SGIP1: variants seen among roughly 807,000 people sequenced by gnomAD.
SGIP1 encodes SH3-containing GRB2-like protein 3-interacting protein 1.
A neutral mutation model predicts 107.5 loss-of-function variants in SGIP1; 38 were observed. That is an observed-to-expected ratio of 0.35 (90% confidence interval 0.27 to 0.46). The LOEUF is 0.46. Among genes scored for constraint, SGIP1 ranks in the 20% least tolerant of loss-of-function variants. SGIP1 has a pLI of 1.00. For synonymous variants in SGIP1, 365 were observed against 366.1 expected, an observed-to-expected ratio of 1.00 and a Z score of 0.03; for missense variants, 929 against 1,019.5, an observed-to-expected ratio of 0.91 and a Z score of 1.21.
intron 15 of SGIP1, among the ~76,000 whole-genome samples, chr1:66,688,347 G>C (rs150368279): frequency 5.3e-5 from 8 of 152,308 alleles, no homozygotes; most frequent in African/African-American, 1.9e-4. Context: ...CCTGAATCCA[G>C]AGACCCCACT....
intron 1 of SGIP1, among the ~76,000 whole-genome samples, chr1:66,568,345 A>G (rs1479355065): frequency 7.9e-6 from 1 of 127,024 alleles, no homozygotes; most frequent in African/African-American, 3.3e-5. Flanking sequence ...ATTTTTGCAC[A>G]TTGATTTTTT....
At chr1:66,570,049 A>G (rs558554094) in intron 1 of SGIP1, among the ~76,000 whole-genome samples, 7 of 151,918 alleles carry the variant, frequency 4.6e-5, no homozygotes, top group Non-Finnish European at 7.4e-5. Flanking sequence ...TTTAATGTCC[A>G]TAGAATCTGT....
chr1:66,686,123 A>T (rs907139258), intron 15 of SGIP1, among the ~76,000 whole-genome samples: 10 of 152,374 alleles, frequency 6.6e-5, no homozygotes, highest in Middle Eastern at 3.4e-3. Flanking sequence ...TAAAAAGGTA[A>T]CTTAGCTGTG....
At chr1:66,675,799 G>A (rs2085183665) in intron 12 of SGIP1, among the ~76,000 whole-genome samples, 1 of 151,956 alleles carries the variant, frequency 6.6e-6, no homozygotes, top group Non-Finnish European at 1.5e-5. Flanking sequence ...CTCCCAAAGT[G>A]CTGGAATTAC....
intron 16 of SGIP1, 121 bp from the exon 17 acceptor site, chr1:66,690,069 G>A: frequency 1.8e-6 from 2 of 1,098,374 alleles, no homozygotes; most frequent in Non-Finnish European, 2.6e-6. Flanking sequence ...TGTAAAAATG[G>A]TGTCATCTAT....
intron 17 of SGIP1, among the ~76,000 whole-genome samples, chr1:66,691,796 A>G (rs2089912753): frequency 6.6e-6 from 1 of 152,190 alleles, no homozygotes; most frequent in Admixed American, 6.5e-5. Flanking sequence ...GCTGACCCCA[A>G]GTGACCTCAG....
upstream of SGIP1, chr1:66,534,131 G>T (rs1176569950): frequency 3.4e-6 from 2 of 596,672 alleles, no homozygotes; most frequent in East Asian, 5.6e-5. Context: ...CCAGCTTGCC[G>T]TTCCTCTCCC....
intron 1 of SGIP1, among the ~76,000 whole-genome samples, chr1:66,575,737 A>G (rs1438628457): frequency 6.6e-6 from 1 of 152,196 alleles, no homozygotes; most frequent in Non-Finnish European, 1.5e-5. Flanking sequence ...ATATCATATT[A>G]AGGACTTTAT....
At chr1:66,647,510 G>C (rs892469959) in intron 7 of SGIP1, among the ~76,000 whole-genome samples, 1 of 152,176 alleles carries the variant, frequency 6.6e-6, no homozygotes, top group Non-Finnish European at 1.5e-5. Flanking sequence ...GGTGGACTTT[G>C]ACAGTTTCTT....
intron 1 of SGIP1, among the ~76,000 whole-genome samples, chr1:66,560,608 G>A (rs1008379627): frequency 1.1e-4 from 17 of 152,124 alleles, no homozygotes; most frequent in African/African-American, 3.6e-4. Flanking sequence ...TTAAAAGTGC[G>A]TTAAGAGAAT....
chr1:66,708,748 A>G (rs1374271845), intron 18 of SGIP1, among the ~76,000 whole-genome samples: 1 of 149,710 alleles, frequency 6.7e-6, no homozygotes, highest in African/African-American at 2.5e-5. Context: ...AATTGATTGT[A>G]TGTTCCTGGA....
At chr1:66,653,332 G>A (rs1172427438) in intron 7 of SGIP1, among the ~76,000 whole-genome samples, 1 of 150,454 alleles carries the variant, frequency 6.6e-6, no homozygotes, top group East Asian at 1.9e-4. Flanking sequence ...GAAATTTTCT[G>A]TTGCTTCCAT....
intron 7 of SGIP1, among the ~76,000 whole-genome samples, chr1:66,646,552 T>G (rs1204696832): frequency 6.6e-6 from 1 of 152,226 alleles, no homozygotes; most frequent in Non-Finnish European, 1.5e-5. Context: ...ATCCATGAAC[T>G]ATAACCAATT....
At chr1:66,568,366 G>T (rs200461693) in intron 1 of SGIP1, among the ~76,000 whole-genome samples, 2 of 78,478 alleles carry the variant, frequency 2.5e-5, no homozygotes, top group Non-Finnish European at 4.8e-5. Flanking sequence ...GTCCTGAGAA[G>T]TTGCTTACCA....
chr1:66,736,391 T>C (rs2094245722), intron 21 of SGIP1, among the ~76,000 whole-genome samples: 1 of 7,066 alleles, frequency 1.4e-4, no homozygotes, highest in Non-Finnish European at 4.5e-4. Flanking sequence ...ATATATAATA[T>C]ATGTGAATAT....
intron 18 of SGIP1, among the ~76,000 whole-genome samples, chr1:66,696,225 C>T (rs2090896993): frequency 6.6e-6 from 1 of 152,114 alleles, no homozygotes; most frequent in East Asian, 1.9e-4. Flanking sequence ...TTTTAATCAT[C>T]TTAACAGGCC....
intron 1 of SGIP1, chr1:66,616,239 T>A (rs539917575): frequency 6.6e-6 from 1 of 152,236 alleles, no homozygotes. Flanking sequence ...TTTTGAAATT[T>A]TGATTATTTT....
intron 18 of SGIP1, among the ~76,000 whole-genome samples, chr1:66,714,652 A>C (rs539248086): frequency 2.6e-5 from 4 of 152,050 alleles, no homozygotes; most frequent in Non-Finnish European, 5.9e-5. Flanking sequence ...GACAACTTAA[A>C]ATCATAGAAT....
Position 66,714,140 on chromosome 1 carries a change from T to C in SGIP1, c.1631-5154T>C, listed in dbSNP as rs78002278. ...TTCAAGTACATACCATGTTAAGTAC[T>C]TCACAAATGCTATCCTACTTGATGT... On this transcript the variant is annotated intron_variant, in intron 18 of 24. Coordinates refer to ENST00000371037, the MANE Select transcript of SGIP1 (RefSeq NM_032291.4). 2.0e-4 allele frequency among the ~76,000 whole-genome samples: 30 copies of C among 152,268 alleles called. No individual in the cohort carries two copies. In the East Asian group the frequency reaches 5.6e-3, roughly 28 times the overall value.
Sources: allele counts gnomAD v4.1 joint callset (sites outside exome capture counted in the v4.1 genomes callset), GRCh38; gene constraint gnomAD v4.1.1; transcripts MANE v1.5; gene names NCBI Gene and HGNC (gene_info 2026-07-23, HGNC 2026-07-21).